The following MDFIC2 variants were observed in gnomAD, a reference collection of about 807,000 sequenced individuals.
MDFIC2 encodes the protein myoD family inhibitor domain-containing protein 2.
chr3:70,258,437 G>A (rs1183919404), intron 2 of MDFIC2, among the ~76,000 whole-genome samples: 1 of 152,100 alleles, frequency 6.6e-6, no homozygotes, highest in Non-Finnish European at 1.5e-5. Flanking sequence ...CAGAGAGAGA[G>A]AGAGAGATTT....
chr3:70,306,833 T>C (rs1280778381), intron 2 of MDFIC2, among the ~76,000 whole-genome samples: 1 of 152,184 alleles, frequency 6.6e-6, no homozygotes, highest in East Asian at 1.9e-4. Flanking sequence ...TCAATACTCT[T>C]AGCTTCACAT....
intron 2 of MDFIC2, among the ~76,000 whole-genome samples, chr3:70,302,067 A>G (rs202108079): frequency 1.8e-3 from 272 of 152,204 alleles, no homozygotes; most frequent in African/African-American, 6.3e-3. Flanking sequence ...TTAATACTAT[A>G]CTTCTATGAG....
At chr3:70,266,046 C>G (rs1412143052) in intron 2 of MDFIC2, among the ~76,000 whole-genome samples, 3 of 152,270 alleles carry the variant, frequency 2.0e-5, no homozygotes, top group South Asian at 2.1e-4. Context: ...TTTGCTTATT[C>G]AGAAAAGAGA....
intron 2 of MDFIC2, among the ~76,000 whole-genome samples, chr3:70,259,801 G>A (rs1203125305): frequency 6.6e-6 from 1 of 152,118 alleles, no homozygotes; most frequent in Non-Finnish European, 1.5e-5. Flanking sequence ...CATTTATAAA[G>A]GAAAGAGGTT....
intron 2 of MDFIC2, among the ~76,000 whole-genome samples, chr3:70,277,672 G>A (rs529831223): frequency 3.3e-5 from 5 of 152,256 alleles, no homozygotes; most frequent in Admixed American, 6.5e-5. Flanking sequence ...AGTATGGGGA[G>A]GATCTCACCA....
chr3:70,294,596 GTCACTTAGCATGC>G (rs1257309765), intron 2 of MDFIC2, among the ~76,000 whole-genome samples: 1 of 152,120 alleles, frequency 6.6e-6, no homozygotes, highest in East Asian at 1.9e-4. Context: ...AGGTAGCCGG[GTCACTTAGCATGC>G]TTTCAGCTGC....
chr3:70,219,684 C>G (rs1266529337), intron 2 of MDFIC2, among the ~76,000 whole-genome samples: 1 of 152,160 alleles, frequency 6.6e-6, no homozygotes, highest in Non-Finnish European at 1.5e-5. Context: ...GAATTAAAAT[C>G]TGCATCAGAA....
chr3:70,244,953 TATATAAAAATC>T (rs1401140717), intron 2 of MDFIC2, among the ~76,000 whole-genome samples: 2 of 152,142 alleles, frequency 1.3e-5, no homozygotes, highest in South Asian at 4.1e-4. Flanking sequence ...CCAAATTATA[TATATAAAAATC>T]ATACTACTTA....
intron 2 of MDFIC2, among the ~76,000 whole-genome samples, chr3:70,233,709 C>T (rs1701582998): frequency 1.3e-5 from 2 of 152,178 alleles, no homozygotes; most frequent in South Asian, 4.1e-4. Context: ...CAGATTGACT[C>T]AACTTCTAAA....
chr3:70,233,149 A>G (rs1701577211), intron 2 of MDFIC2, among the ~76,000 whole-genome samples: 1 of 152,236 alleles, frequency 6.6e-6, no homozygotes, highest in Non-Finnish European at 1.5e-5. Flanking sequence ...AGATCGCGCC[A>G]CTGCATTCCA....
At chr3:70,230,843 G>A (rs374235420) in intron 2 of MDFIC2, among the ~76,000 whole-genome samples, 3 of 152,220 alleles carry the variant, frequency 2.0e-5, no homozygotes, top group East Asian at 3.9e-4. Flanking sequence ...TGCCACACCT[G>A]CTGTGTTACT....
At chr3:70,269,380 G>T (rs959938592) in intron 2 of MDFIC2, among the ~76,000 whole-genome samples, 1 of 152,184 alleles carries the variant, frequency 6.6e-6, no homozygotes, top group African/African-American at 2.4e-5. Flanking sequence ...TAGACACCCT[G>T]TAACCTACTT....
intron 2 of MDFIC2, among the ~76,000 whole-genome samples, chr3:70,292,307 A>G (rs1055625600): frequency 1.3e-5 from 2 of 152,184 alleles, no homozygotes; most frequent in Non-Finnish European, 2.9e-5. Context: ...AATATATAGT[A>G]TCTATCTATT....
intron 2 of MDFIC2, among the ~76,000 whole-genome samples, chr3:70,234,908 T>C: frequency 6.6e-6 from 1 of 152,198 alleles, no homozygotes; most frequent in East Asian, 1.9e-4. Context: ...CTTGGACATC[T>C]TCAGCCTGAA....
chr3:70,224,500 G>A (rs1249831423), intron 2 of MDFIC2, among the ~76,000 whole-genome samples: 2 of 152,204 alleles, frequency 1.3e-5, no homozygotes, highest in Admixed American at 6.5e-5. Context: ...CTTAATGAGT[G>A]TGTTCTCTGA....
chr3:70,238,074 T>A, intron 2 of MDFIC2, among the ~76,000 whole-genome samples: 1 of 148,752 alleles, frequency 6.7e-6, no homozygotes, highest in Non-Finnish European at 1.5e-5. Flanking sequence ...TCTTTATACC[T>A]TGAGTGGAAA....
intron 3 of MDFIC2, among the ~76,000 whole-genome samples, chr3:70,199,722 C>T (rs555531814): frequency 5.8e-4 from 89 of 152,272 alleles, no homozygotes; most frequent in Admixed American, 1.8e-3. Flanking sequence ...CGTTGGATTT[C>T]CTCTTGTCCT....
chr3:70,306,378 T>TC (rs1429037218), intron 2 of MDFIC2, among the ~76,000 whole-genome samples: 1 of 152,212 alleles, frequency 6.6e-6, no homozygotes, highest in East Asian at 1.9e-4. Context: ...CCCAAAGTGC[T>TC]GGGATTATAG....
At chr3:70,240,899 G>A (rs1054050905) in intron 2 of MDFIC2, among the ~76,000 whole-genome samples, 10 of 152,124 alleles carry the variant, frequency 6.6e-5, no homozygotes, top group Non-Finnish European at 1.5e-4. Flanking sequence ...TAAGCAGTAT[G>A]AAAACACTGA....
Sources: gnomAD v4.1 joint callset for allele counts (sites outside exome capture counted in the v4.1 genomes callset) on GRCh38, gnomAD v4.1.1 for gene constraint, MANE v1.5 for transcripts, NCBI Gene and HGNC (gene_info 2026-07-23, HGNC 2026-07-21) for gene names.